Variants in FBN1 observed in about 807,000 individuals in gnomAD.
The protein encoded by FBN1 is fibrillin-1.
Under a neutral mutation model 365.1 loss-of-function variants are expected in FBN1, and 29 were observed. That is an observed-to-expected ratio of 0.08 (90% confidence interval 0.06 to 0.11). The LOEUF is 0.11. FBN1 is among the 10% of genes least tolerant of loss of function. FBN1 has a pLI of 1.00. For synonymous variants in FBN1, 1,210 were observed against 1,270.5 expected (o/e 0.95, Z 1.01); for missense variants, 2,476 against 3,703.2 (o/e 0.67, Z 8.60).
intron 8 of FBN1, among the ~76,000 whole-genome samples, chr15:48,533,372 A>G (rs911519070): frequency 2.0e-4 from 30 of 152,204 alleles, no homozygotes; most frequent in African/African-American, 7.0e-4. Context: ...TGCTGCCTAC[A>G]TATTTTCTAG....
chr15:48,435,934 A>G (rs1165475083), intron 53 of FBN1, among the ~76,000 whole-genome samples: 1 of 151,942 alleles, frequency 6.6e-6, no homozygotes, highest in Non-Finnish European at 1.5e-5. Flanking sequence ...TATTTTAGCT[A>G]TCTAAGGCAC....
chr15:48,577,290 T>C (rs894127144), intron 6 of FBN1, among the ~76,000 whole-genome samples: 1 of 152,186 alleles, frequency 6.6e-6, no homozygotes, highest in African/African-American at 2.4e-5. Flanking sequence ...TAGGTCACAA[T>C]AGTGTTCTCA....
Position 48,420,545 on chromosome 15 carries a change from C to T in FBN1, c.7819+142G>A, listed in dbSNP as rs61076942. On this transcript the variant is annotated intron_variant, in intron 63 of 65. Coordinates refer to ENST00000316623, the MANE Select transcript of FBN1 (RefSeq NM_000138.5). ...CTGTTTTGCAAAGACTGTTACTTACCTCGGGTTTCAACCAGGTTAGGGCAA... is the reference window on the plus strand; with the variant it reads ...CTGTTTTGCAAAGACTGTTACTTACTTCGGGTTTCAACCAGGTTAGGGCAA... 1,792 of 1,035,820 alleles carry T rather than the reference C, an allele frequency of 1.7e-3. 20 individuals carry two copies. The African/African-American group carries it at 0.025, about 15-fold the overall frequency. 64.2% of individuals were successfully genotyped at this position (1,035,820 alleles called of 1,614,324 possible).
chr15:48,449,395 T>C (rs1480015652), intron 45 of FBN1, among the ~76,000 whole-genome samples: 4 of 152,242 alleles, frequency 2.6e-5, no homozygotes, highest in African/African-American at 9.6e-5. Context: ...TTTTGTCTTA[T>C]GCCTGTAACT....
Position 48,559,717 on chromosome 15 carries a change from G to A in FBN1, c.539-21909C>T, listed in dbSNP as rs181262642. On this transcript the variant is annotated intron_variant, in intron 6 of 65. Transcript: ENST00000316623. ...GGCAGACTGGATTCACTCTGGCATC[G>A]GAAAAGAGGTTGAAAGAGATGATGG... Among the ~76,000 whole-genome samples, 207 of 152,262 alleles carry A rather than the reference G, an allele frequency of 1.4e-3. 3 individuals are homozygous for A. Among genetic ancestry groups the A allele is most frequent in the Admixed American group, 3.8e-3 (58 of 15,282 alleles).
intron 6 of FBN1, among the ~76,000 whole-genome samples, chr15:48,592,543 C>T (rs970434325): frequency 6.6e-6 from 1 of 152,054 alleles, no homozygotes; most frequent in Non-Finnish European, 1.5e-5. Context: ...ACATACTGTA[C>T]CACTGAGCTA....
At chr15:48,599,038 A>T (rs1007699791) in intron 5 of FBN1, among the ~76,000 whole-genome samples, 1 of 152,188 alleles carries the variant, frequency 6.6e-6, no homozygotes, top group Admixed American at 6.5e-5. Context: ...CACCATGATT[A>T]TGAAGCCTCC....
At chr15:48,481,544 G>C in intron 32 of FBN1, 111 bp downstream of exon 32, 11 of 1,163,660 alleles carry the variant, frequency 9.5e-6, no homozygotes, top group African/African-American at 1.6e-5. Flanking sequence ...TATGCAAAAT[G>C]TTTTATAATA....
At chr15:48,559,895 G>C (rs943831246) in intron 6 of FBN1, among the ~76,000 whole-genome samples, 4 of 152,178 alleles carry the variant, frequency 2.6e-5, no homozygotes, top group African/African-American at 9.6e-5. Context: ...TCTGTTTTCA[G>C]TCATCTATTA....
At chr15:48,536,615 TCTC>T (rs1406651476) in intron 7 of FBN1, among the ~76,000 whole-genome samples, 1 of 152,222 alleles carries the variant, frequency 6.6e-6, no homozygotes, top group Non-Finnish European at 1.5e-5. Context: ...ACTTATTTCT[TCTC>T]CTGACATTCA....
intron 6 of FBN1, among the ~76,000 whole-genome samples, chr15:48,563,157 A>G (rs571836393): frequency 7.4e-4 from 113 of 152,310 alleles, no homozygotes; most frequent in Middle Eastern, 3.4e-3. Context: ...ATATTCATTG[A>G]GTACCTACTG....
At chr15:48,473,907 T>C (rs976784881) in intron 34 of FBN1, among the ~76,000 whole-genome samples, 26 of 152,196 alleles carry the variant, frequency 1.7e-4, no homozygotes, top group Admixed American at 1.2e-3. Flanking sequence ...ATGATATATA[T>C]GCCAATTGTA....
In FBN1 at chr15:48,489,907, G is replaced by A. The variant is rs148076256; in HGVS notation, c.3026C>T (p.Pro1009Leu). Residue 1009 changes from proline to leucine, a missense_variant, in exon 25 of 66, where the codon CCG becomes CTG. Physicochemically the swap from Pro to Leu is moderately conservative, Grantham distance 98 (BLOSUM62 -3). Coordinates refer to ENST00000316623, the MANE Select transcript of FBN1 (RefSeq NM_000138.5). Reference sequence around the variant, plus strand: ...TTTTGTGGCAAATCCGGGTCCTCTCGGACACAGCTCCTCGTACTCAGGAGT... The same window carrying A: ...TTTTGTGGCAAATCCGGGTCCTCTCAGACACAGCTCCTCGTACTCAGGAGT... ...RNTPEYEELCPRGPGFATKEI... is the reference protein window; with the variant it reads ...RNTPEYEELCLRGPGFATKEI... 5.0e-6 allele frequency: 8 copies of A among 1,614,076 alleles called. 1 individual carries two copies. Among genetic ancestry groups the A allele is most frequent in the South Asian group, 2.2e-5 (2 of 91,076 alleles).
At chr15:48,437,206 G>C in intron 52 of FBN1, 116 bp downstream of exon 52, 2 of 1,164,580 alleles carry the variant, frequency 1.7e-6, no homozygotes, top group Non-Finnish European at 2.6e-6. Flanking sequence ...TCTAAATGAA[G>C]GGACAAAAAA....
intron 4 of FBN1, among the ~76,000 whole-genome samples, chr15:48,608,693 G>A (rs994427215): frequency 6.6e-6 from 1 of 152,032 alleles, no homozygotes. Context: ...TAACGTCCAG[G>A]TACCATAGAT....
chr15:48,421,824 T>A, intron 61 of FBN1, 128 bp downstream of exon 61: 1 of 1,170,506 alleles, frequency 8.5e-7, no homozygotes. Context: ...ACAGGTGTGC[T>A]CACACATACA....
At chr15:48,623,827 T>C (rs1268084567) in intron 2 of FBN1, among the ~76,000 whole-genome samples, 1 of 152,170 alleles carries the variant, frequency 6.6e-6, no homozygotes, top group Admixed American at 6.5e-5. Flanking sequence ...CAACTTTTCA[T>C]GGAGATTTTG....
At chr15:48,483,751 C>T (rs2043483997) in intron 31 of FBN1, 67 bp downstream of exon 31, 1 of 1,592,078 alleles carries the variant, frequency 6.3e-7, no homozygotes, top group Admixed American at 1.7e-5. Context: ...CCCAAACTAA[C>T]TTTATGTAAT....
At chr15:48,501,488 C>A (rs1466216678) in intron 17 of FBN1, among the ~76,000 whole-genome samples, 1 of 152,146 alleles carries the variant, frequency 6.6e-6, no homozygotes, top group Non-Finnish European at 1.5e-5. Flanking sequence ...AATGCATTTT[C>A]TTTATAAATT....
Sources: allele counts gnomAD v4.1 joint callset (sites outside exome capture counted in the v4.1 genomes callset), GRCh38; gene constraint gnomAD v4.1.1; transcripts MANE v1.5; gene names NCBI Gene and HGNC (gene_info 2026-07-23, HGNC 2026-07-21).